UGT3A1: variants seen among roughly 807,000 people sequenced by gnomAD.
UGT3A1 encodes UDP glycosyltransferase family 3 member A1.
In UGT3A1, 40 loss-of-function variants were observed where a neutral mutation model predicts 37.6. The observed-to-expected ratio is 1.06, with a 90% CI of 0.83 to 1.38. The LOEUF is 1.38. Ranked by LOEUF, UGT3A1 falls within the 40% of genes most tolerant of loss-of-function variation. UGT3A1 has a pLI of 0.00. For missense variants in UGT3A1, 642 were observed against 634.2 expected (o/e 1.01, Z -0.13); for synonymous variants, 256 against 232.3 (o/e 1.10, Z -0.93).
At position 35,991,245 on chromosome 5, in the gene UGT3A1, A is replaced by C; in HGVS notation, c.-5T>G. 1 of 1,614,182 alleles carries C rather than the reference A, an allele frequency of 6.2e-7. No homozygotes were observed. The highest frequency in any genetic ancestry group is 8.5e-7 in the Non-Finnish European group (1 of 1,180,020). Reference sequence around the variant, plus strand: ...CAGCACCCGCTGCCCAACCATGCTCACTTCCACAGAAGCAGCGGATCTCAG... The same window carrying C: ...CAGCACCCGCTGCCCAACCATGCTCCCTTCCACAGAAGCAGCGGATCTCAG... On this transcript the variant is annotated 5_prime_UTR_variant, in exon 1 of 7. Transcript: ENST00000274278.
At position 35,982,111 on chromosome 5, in the gene UGT3A1, T is replaced by C. The variant is rs545497469; in HGVS notation, c.196+6339A>G. On this transcript the variant is annotated intron_variant, in intron 2 of 6. Transcript: ENST00000274278. ...CTCCACCTAGTTTTCAGAGGATATA[T>C]GAAAATGCCTTCATGTCCAGGTAGA... Among the ~76,000 whole-genome samples the C allele has an allele frequency of 3.3e-4, 51 of 152,348 alleles. 1 individual carries two copies. In the South Asian group the frequency reaches 9.9e-3, roughly 30 times the overall value.
chr5:35,988,523 C>T lies in UGT3A1; in HGVS notation c.123G>A (p.Arg41=), dbSNP rs749835922. 3.7e-6 allele frequency: 6 copies of T among 1,612,320 alleles called. No homozygotes were observed. The highest frequency in any genetic ancestry group is 5.1e-6 in the Non-Finnish European group (6 of 1,179,172). The change falls in exon 2 of 7, where the codon CGG becomes CGA. Residue 41 remains arginine, a synonymous_variant. Coordinates refer to ENST00000274278, the MANE Select transcript of UGT3A1 (RefSeq NM_152404.4). ...LGGSHYLLLD[R]VSQILQEHGH... ...CATGCTCTTGAAGAATCTGAGACAC[C>T]CGGTCCAACAGTAGGTAATGGCTTC... is the stretch of plus-strand genomic sequence containing the variant.
At chr5:35,992,473 T>C (rs1430697787), upstream of UGT3A1, among the ~76,000 whole-genome samples, 1 of 152,232 alleles carries the variant, frequency 6.6e-6, no homozygotes, top group African/African-American at 2.4e-5. Flanking sequence ...TCTATTCTTA[T>C]ACCTTTTATA....
chr5:35,983,206 A>T (rs1740598882), intron 2 of UGT3A1, among the ~76,000 whole-genome samples: 1 of 152,224 alleles, frequency 6.6e-6, no homozygotes. Context: ...AAACAGAAAA[A>T]AAGATATAAC....
intron 2 of UGT3A1, among the ~76,000 whole-genome samples, chr5:35,970,905 A>T (rs1243006919): frequency 6.6e-6 from 1 of 152,210 alleles, no homozygotes; most frequent in East Asian, 1.9e-4. Flanking sequence ...TAATGCCAGG[A>T]TCCATCACAT....
At chr5:35,997,030 G>A (rs1741111164) in intron 2 of UGT3A1, among the ~76,000 whole-genome samples, 1 of 152,142 alleles carries the variant, frequency 6.6e-6, no homozygotes, top group South Asian at 2.1e-4. Context: ...GGGAGCCATA[G>A]ATGAAACTGT....
At chr5:35,974,643 C>T (rs1251707992) in intron 2 of UGT3A1, among the ~76,000 whole-genome samples, 2 of 152,338 alleles carry the variant, frequency 1.3e-5, no homozygotes, top group South Asian at 2.1e-4. Context: ...ATTGCAGCTG[C>T]TCTTCCAGAT....
upstream of UGT3A1, among the ~76,000 whole-genome samples, chr5:35,994,909 T>C (rs1358058041): frequency 6.6e-6 from 1 of 152,178 alleles, no homozygotes; most frequent in Non-Finnish European, 1.5e-5. Context: ...TGGACCACTA[T>C]AACTAAAGCA....
At chr5:35,992,364 TCA>T (rs146558910), upstream of UGT3A1, among the ~76,000 whole-genome samples, 4 of 150,004 alleles carry the variant, frequency 2.7e-5, no homozygotes, top group African/African-American at 7.3e-5. Flanking sequence ...ACACATACAC[TCA>T]CACACACACA....
chr5:35,969,148 T>C (rs145166969), intron 2 of UGT3A1, among the ~76,000 whole-genome samples: 163 of 152,292 alleles, frequency 1.1e-3, no homozygotes, highest in African/African-American at 3.7e-3. Flanking sequence ...CAGTGCAATA[T>C]ATGATCCCTC....
At chr5:35,993,914 C>A (rs201994673), upstream of UGT3A1, among the ~76,000 whole-genome samples, 1 of 32,442 alleles carries the variant, frequency 3.1e-5, no homozygotes, top group East Asian at 7.4e-4. Context: ...ATTAAACAAA[C>A]AAACAAACAA....
At chr5:35,979,238 A>T (rs1418544782) in intron 2 of UGT3A1, among the ~76,000 whole-genome samples, 6 of 152,190 alleles carry the variant, frequency 3.9e-5, no homozygotes, top group Non-Finnish European at 8.8e-5. Flanking sequence ...CAATTTCTGC[A>T]GCAGCTTAAA....
rs150751397 is a variant in UGT3A1 at position 35,974,905 on chromosome 5, C to T, written c.197-6772G>A. 5.3e-5 allele frequency among the ~76,000 whole-genome samples: 8 copies of T among 152,284 alleles called. No homozygotes were observed. In the East Asian group the frequency reaches 9.6e-4, roughly 18 times the overall value. Reference sequence around the variant, plus strand: ...CACAACAAACCACACTTGTCCGTTGCGTTGCCTATGGCCAATGGTTTGGCT... The same window carrying T: ...CACAACAAACCACACTTGTCCGTTGTGTTGCCTATGGCCAATGGTTTGGCT... On this transcript the variant is annotated intron_variant, in intron 2 of 6. Coordinates refer to ENST00000274278, the MANE Select transcript of UGT3A1 (RefSeq NM_152404.4).
chr5:35,976,293 T>C (rs1740265668), intron 2 of UGT3A1, among the ~76,000 whole-genome samples: 1 of 152,164 alleles, frequency 6.6e-6, no homozygotes, highest in Non-Finnish European at 1.5e-5. Context: ...TCCTACACAT[T>C]GGAGGTAGAA....
At chr5:35,963,578 A>G (rs1021062709) in intron 4 of UGT3A1, among the ~76,000 whole-genome samples, 13 of 152,378 alleles carry the variant, frequency 8.5e-5, no homozygotes, top group African/African-American at 2.2e-4. Context: ...AGGGGCAAAA[A>G]GGGGAGGTCC....
intron 2 of UGT3A1, among the ~76,000 whole-genome samples, chr5:35,985,714 G>A (rs1282936852): frequency 6.6e-6 from 1 of 152,184 alleles, no homozygotes; most frequent in South Asian, 2.1e-4. Context: ...GGTCAGAGTG[G>A]ATTTAAAACT....
chr5:35,972,798 A>G (rs542640242), intron 2 of UGT3A1, among the ~76,000 whole-genome samples: 1 of 152,142 alleles, frequency 6.6e-6, no homozygotes, highest in East Asian at 1.9e-4. Context: ...TTTGATAGAG[A>G]AAGCATGGAA....
chr5:35,990,913 C>G (rs1740919627), intron 1 of UGT3A1: 1 of 1,385,230 alleles, frequency 7.2e-7, no homozygotes, highest in East Asian at 2.9e-5. Flanking sequence ...GCGTCCTGAA[C>G]AAGAAGAGAG....
intron 2 of UGT3A1, among the ~76,000 whole-genome samples, chr5:35,978,196 G>A (rs1740372944): frequency 6.6e-6 from 1 of 151,976 alleles, no homozygotes; most frequent in South Asian, 2.1e-4. Context: ...CTCCAGGCCT[G>A]GCTAATTTTT....
Sources: allele counts gnomAD v4.1 joint callset (sites outside exome capture counted in the v4.1 genomes callset), GRCh38; gene constraint gnomAD v4.1.1; transcripts MANE v1.5; gene names NCBI Gene and HGNC (gene_info 2026-07-23, HGNC 2026-07-21).